Variants in SORL1 observed in about 807,000 individuals in gnomAD.
SORL1 encodes sortilin related receptor 1.
Under a neutral mutation model 273.7 loss-of-function variants are expected in SORL1, and 127 were observed. The observed-to-expected ratio is 0.46, with a 90% CI of 0.40 to 0.54. The LOEUF is 0.54. Among genes scored for constraint, SORL1 ranks in the 20% least tolerant of loss-of-function variants. The pLI is 0.00. For missense variants in SORL1, 2,494 were observed against 2,846.1 expected (o/e 0.88, Z 2.81); for synonymous variants, 1,031 against 1,067.4 (o/e 0.97, Z 0.66).
intron 40 of SORL1, chr11:121,614,639 C>T (rs530711173): frequency 2.2e-5 from 10 of 445,704 alleles, no homozygotes; most frequent in Middle Eastern, 5.7e-4. Flanking sequence ...CTCCTATCCG[C>T]GGATGGGCAG....
intron 11 of SORL1, among the ~76,000 whole-genome samples, chr11:121,531,509 A>G (rs1461565453): frequency 3.3e-5 from 5 of 152,198 alleles, no homozygotes; most frequent in African/African-American, 1.2e-4. Context: ...TGTATGCTGT[A>G]TGTTAAGTAA....
intron 32 of SORL1, among the ~76,000 whole-genome samples, chr11:121,602,518 T>C (rs1863409507): frequency 6.6e-6 from 1 of 152,192 alleles, no homozygotes; most frequent in South Asian, 2.1e-4. Context: ...GGATCCTTTA[T>C]CCATTCCTCT....
In SORL1 at chr11:121,604,265, C is replaced by T. The variant is rs542356147; in HGVS notation, c.4592C>T (p.Ser1531Leu). 30 of 1,613,752 alleles carry T rather than the reference C, an allele frequency of 1.9e-5. No individual in the cohort carries two copies. Among genetic ancestry groups the T allele is most frequent in the South Asian group, 7.7e-5 (7 of 91,068 alleles). ...CEDGEACIVL[S>L]ERCDGFLDCS... is the part of the protein sequence containing the mutation. Reference sequence around the variant, plus strand: ...GACGGGGAGGCCTGCATTGTGCTCTCGGAGCGCTGCGACGGCTTCCTGGAC... The same window carrying T: ...GACGGGGAGGCCTGCATTGTGCTCTTGGAGCGCTGCGACGGCTTCCTGGAC... The change falls in exon 33 of 48, where the codon TCG becomes TTG. Residue 1531 changes from serine to leucine, a missense_variant. This residue lies in a region of SORL1 where 1,609 missense variants were observed against 1,816.4 expected (regional missense o/e 0.89). Transcript: ENST00000260197.
chr11:121,558,080 A>G (rs1449264195), intron 19 of SORL1, among the ~76,000 whole-genome samples: 1 of 152,196 alleles, frequency 6.6e-6, no homozygotes, highest in African/African-American at 2.4e-5. Flanking sequence ...AGTGGTAATC[A>G]TTGTTAATAA....
chr11:121,559,164 A>C (rs1348556017), intron 20 of SORL1, among the ~76,000 whole-genome samples: 2 of 152,048 alleles, frequency 1.3e-5, no homozygotes, highest in African/African-American at 4.8e-5. Context: ...TTATTCTCTG[A>C]TGACTTCCGG....
At chr11:121,576,806 T>C (rs1862937485) in intron 24 of SORL1, 1 of 1,520,686 alleles carries the variant, frequency 6.6e-7, no homozygotes, top group African/African-American at 1.4e-5. Context: ...AGCTCAGCAC[T>C]GATTTTACTC....
chr11:121,622,041 T>A (rs1863730658), intron 44 of SORL1, 121 bp from the exon 45 acceptor site: 1 of 625,426 alleles, frequency 1.6e-6, no homozygotes, highest in Non-Finnish European at 2.8e-6. Context: ...CTATGTGTTT[T>A]ATTTTTTCTG....
intron 2 of SORL1, among the ~76,000 whole-genome samples, chr11:121,473,323 C>G (rs911253504): frequency 3.3e-5 from 5 of 152,168 alleles, no homozygotes; most frequent in African/African-American, 1.2e-4. Flanking sequence ...AAGCTGGAAT[C>G]CAGAAAGTCT....
chr11:121,618,216 A>C (rs1863666918), intron 41 of SORL1, among the ~76,000 whole-genome samples: 1 of 152,108 alleles, frequency 6.6e-6, no homozygotes, highest in Non-Finnish European at 1.5e-5. Context: ...CCAGGCAGCA[A>C]TTCTCAATCA....
chr11:121,480,427 C>A (rs146366012), intron 3 of SORL1, among the ~76,000 whole-genome samples: 1 of 152,170 alleles, frequency 6.6e-6, no homozygotes, highest in East Asian at 1.9e-4. Context: ...GTTGTACTTA[C>A]CTGATGCTGA....
intron 24 of SORL1, among the ~76,000 whole-genome samples, chr11:121,575,849 G>T (rs1382286226): frequency 6.6e-6 from 1 of 152,128 alleles, no homozygotes; most frequent in African/African-American, 2.4e-5. Flanking sequence ...TTGAGCTCAC[G>T]TACTGGGTAC....
chr11:121,575,340 A>G (rs1862911785), intron 24 of SORL1, among the ~76,000 whole-genome samples: 3 of 152,222 alleles, frequency 2.0e-5, no homozygotes, highest in Non-Finnish European at 4.4e-5. Flanking sequence ...CGAAGGAGAC[A>G]TTATGCAATC....
intron 9 of SORL1, 122 bp from the exon 10 acceptor site, chr11:121,522,464 C>T: frequency 1.4e-6 from 1 of 737,272 alleles, no homozygotes; most frequent in Non-Finnish European, 2.4e-6. Context: ...AGTCTGGTTT[C>T]CCCTGGGCCA....
chr11:121,613,333 T>C (rs1355570987), intron 40 of SORL1, among the ~76,000 whole-genome samples: 1 of 152,098 alleles, frequency 6.6e-6, no homozygotes, highest in African/African-American at 2.4e-5. Flanking sequence ...CAGCAGCAAG[T>C]CTCAGCTAAA....
chr11:121,453,303 G>C (rs1860841420), intron 1 of SORL1, among the ~76,000 whole-genome samples: 1 of 152,070 alleles, frequency 6.6e-6, no homozygotes, highest in Non-Finnish European at 1.5e-5. Flanking sequence ...AAATTTGGTG[G>C]GCATTATTAT....
At chr11:121,558,496 A>G in intron 19 of SORL1, 95 bp from the exon 20 acceptor site, 1 of 1,309,362 alleles carries the variant, frequency 7.6e-7, no homozygotes, top group African/African-American at 1.5e-5. Context: ...CAGCCGGATC[A>G]TTCGAAAGGA....
chr11:121,570,683 A>G (rs891435330), intron 23 of SORL1, among the ~76,000 whole-genome samples: 2 of 152,164 alleles, frequency 1.3e-5, no homozygotes, highest in African/African-American at 2.4e-5. Flanking sequence ...GGAAATGAGT[A>G]TTTACTCCAG....
At chr11:121,623,400 A>G (rs931837679) in intron 45 of SORL1, among the ~76,000 whole-genome samples, 2 of 152,238 alleles carry the variant, frequency 1.3e-5, no homozygotes, top group Non-Finnish European at 2.9e-5. Flanking sequence ...GTTCACACCC[A>G]TTGATCCAGC....
At chr11:121,471,342 C>T (rs115944505) in intron 2 of SORL1, among the ~76,000 whole-genome samples, 1 of 152,302 alleles carries the variant, frequency 6.6e-6, no homozygotes, top group African/African-American at 2.4e-5. Context: ...CTGAGTCTTA[C>T]AAGTTGGCAG....
Sources: allele counts gnomAD v4.1 joint callset (sites outside exome capture counted in the v4.1 genomes callset), GRCh38; gene constraint gnomAD v4.1.1; regional missense constraint gnomAD v4.1.1; transcripts MANE v1.5; gene names NCBI Gene and HGNC (gene_info 2026-07-23, HGNC 2026-07-21).